Variants in SEPTIN9 observed in about 807,000 individuals in gnomAD.
The protein encoded by SEPTIN9 is septin-9.
A neutral mutation model predicts 56.6 loss-of-function variants in SEPTIN9; 13 were observed. The observed-to-expected ratio is 0.23, with a 90% confidence interval of 0.15 to 0.37. The LOEUF is 0.37. Ranked by LOEUF, SEPTIN9 falls within the 10% of genes least tolerant of loss-of-function variation. SEPTIN9 has a pLI of 1.00. For missense variants in SEPTIN9, 650 were observed against 823.1 expected, an observed-to-expected ratio of 0.79 and a Z score of 2.57; for synonymous variants, 332 against 334.1, an observed-to-expected ratio of 0.99 and a Z score of 0.07.
At position 77,317,964 on chromosome 17, in the gene SEPTIN9, T is replaced by C. The variant is rs930859407; in HGVS notation, c.76+10767T>C. The stretch of plus-strand genomic sequence containing the variant: ...TTCTTGGGAGGCTGAGGCAGAAGAA[T>C]TGCTTGAACCCAGGTGGCGGAGGTT... On this transcript the variant is annotated intron_variant, in intron 2 of 11. Coordinates refer to ENST00000427177, the MANE Select transcript of SEPTIN9 (RefSeq NM_001113491.2). This position sits in a 1 kb window ranked among gnomAD's most constrained non-coding sequence, Gnocchi z 4.2. 2.6e-5 allele frequency among the ~76,000 whole-genome samples: 4 copies of C among 152,090 alleles called. No individual in the cohort carries two copies. Among genetic ancestry groups the C allele is most frequent in the African/African-American group, 7.2e-5 (3 of 41,410 alleles).
Position 77,498,649 on chromosome 17 carries a change from G to A in SEPTIN9, c.1752G>A (p.Pro584=), listed in dbSNP as rs367775215. The part of the protein sequence containing the change: ...NGMEEKEPEA[P]EM ...TGGAGGAGAAGGAGCCAGAAGCCCC[G>A]GAGATGTAGACGCCACCCTGCCCAC... The change falls in exon 12 of 12, where the codon CCG becomes CCA. Residue 584 remains proline (P), a synonymous_variant. Transcript: ENST00000427177. 2.2e-3 allele frequency: 3,561 copies of A among 1,608,780 alleles called. 7 individuals are homozygous for A. The highest frequency in any genetic ancestry group is 2.3e-3 in the Non-Finnish European group (2,764 of 1,178,220).
chr17:77,406,376 C>G (rs1251892273), intron 3 of SEPTIN9, among the ~76,000 whole-genome samples: 1 of 152,182 alleles, frequency 6.6e-6, no homozygotes, highest in Non-Finnish European at 1.5e-5. Context: ...CCCTCAAAAC[C>G]TGGTCCAAAT....
At chr17:77,403,300 C>T (rs1427048542) in intron 3 of SEPTIN9, among the ~76,000 whole-genome samples, 1 of 152,206 alleles carries the variant, frequency 6.6e-6, no homozygotes, top group Non-Finnish European at 1.5e-5. Context: ...ATGAGGAGCA[C>T]CTTAGCCTGC....
chr17:77,302,194 G>T (rs1050845264), intron 1 of SEPTIN9, among the ~76,000 whole-genome samples: 1 of 152,238 alleles, frequency 6.6e-6, no homozygotes, highest in Non-Finnish European at 1.5e-5. Context: ...ATAGCTGGGC[G>T]TGGTGGCTTG....
chr17:77,455,764 C>T lies in SEPTIN9; in HGVS notation c.722-26380C>T, dbSNP rs141305716. Reference sequence around the variant, plus strand: ...CCAGACGTCATAGGTGCTTGCTCAACGAGTGTTTGAATGAATGGTCAGCAT... The same window carrying T: ...CCAGACGTCATAGGTGCTTGCTCAATGAGTGTTTGAATGAATGGTCAGCAT... On this transcript the variant is annotated intron_variant, in intron 3 of 11. Transcript: ENST00000427177. 7.2e-3 allele frequency among the ~76,000 whole-genome samples: 1,099 copies of T among 152,314 alleles called. 9 individuals are homozygous for T. Among genetic ancestry groups the T allele is most frequent in the South Asian group, 0.03 (146 of 4,826 alleles).
At chr17:77,403,377 G>A (rs1287724432) in intron 3 of SEPTIN9, among the ~76,000 whole-genome samples, 3 of 152,242 alleles carry the variant, frequency 2.0e-5, no homozygotes, top group Non-Finnish European at 2.9e-5. Flanking sequence ...AGCTGCACAC[G>A]GTTTTATTTG....
At position 77,388,107 on chromosome 17, in the gene SEPTIN9, G is replaced by A. The variant is rs367769112; in HGVS notation, c.77-13952G>A. Among the ~76,000 whole-genome samples the A allele has an allele frequency of 3.4e-4, 52 of 152,236 alleles. 3 individuals carry two copies. Among genetic ancestry groups the A allele is most frequent in the South Asian group, 2.7e-3 (13 of 4,826 alleles). ...GGCCCCCTCGCTGTGTCTGGCTCTCGCGGTATACCAGGGGTCCTCCCAGGG... is the reference window on the plus strand; with the variant it reads ...GGCCCCCTCGCTGTGTCTGGCTCTCACGGTATACCAGGGGTCCTCCCAGGG... On this transcript the variant is annotated intron_variant, in intron 2 of 11. Transcript: ENST00000427177.
In SEPTIN9 at chr17:77,440,328, T is replaced by A. The variant is rs1028885849; in HGVS notation, c.721+37625T>A. Among the ~76,000 whole-genome samples, 62 of 152,074 alleles carry A rather than the reference T, an allele frequency of 4.1e-4. 1 individual carries two copies. The highest frequency in any genetic ancestry group is 3.9e-3 in the Admixed American group (60 of 15,276). On this transcript the variant is annotated intron_variant, in intron 3 of 11. Transcript: ENST00000427177. The stretch of plus-strand genomic sequence containing the variant: ...CACCACCACGCCCGGCGAATTTTTG[T>A]ATTTTTAGTAGAGATGGGGTTTCAC...
Position 77,282,621 on chromosome 17 carries a change from CAA to C in SEPTIN9, c.19+1069_19+1070del, listed in dbSNP as rs369271568. On this transcript the variant is annotated intron_variant, in intron 1 of 11. Transcript: ENST00000427177. ...AAATGAGTGATAAAGTACCTTGTCT[CAA>C]AGAGGATTACTCAGAACTTCCCCGA... Among the ~76,000 whole-genome samples the C allele has an allele frequency of 3.6e-3, 555 of 152,296 alleles. 2 individuals are homozygous for C. Among genetic ancestry groups the C allele is most frequent in the African/African-American group, 0.013 (530 of 41,570 alleles).
intron 2 of SEPTIN9, among the ~76,000 whole-genome samples, chr17:77,394,983 T>G (rs1598303506): frequency 6.6e-6 from 1 of 152,148 alleles, no homozygotes; most frequent in African/African-American, 2.4e-5. Context: ...GGCTGTGAGA[T>G]GTTTTTCCAG....
chr17:77,329,772 A>G lies in SEPTIN9; in HGVS notation c.76+22575A>G, dbSNP rs1039567940. 6.6e-6 allele frequency among the ~76,000 whole-genome samples: 1 copy of G among 152,116 alleles called. No homozygotes were observed. The highest frequency in any genetic ancestry group is 2.4e-5 in the African/African-American group (1 of 41,410). On this transcript the variant is annotated intron_variant, in intron 2 of 11. Coordinates refer to ENST00000427177, the MANE Select transcript of SEPTIN9 (RefSeq NM_001113491.2). The surrounding 1 kb of genome is among the most constrained non-coding windows in gnomAD (Gnocchi z 4.3). The stretch of plus-strand genomic sequence containing the variant: ...TCTTCCCAGCCTCTGACTCGGGGCA[A>G]GGTTCAGATATCCAGAACATTCTTG...
intron 3 of SEPTIN9, among the ~76,000 whole-genome samples, chr17:77,467,159 C>T (rs2038775212): frequency 6.6e-6 from 1 of 152,170 alleles, no homozygotes. Flanking sequence ...ATCCTTGGGC[C>T]GCGAGACGTC....
intron 5 of SEPTIN9, among the ~76,000 whole-genome samples, 179 bp from the exon 6 acceptor site, chr17:77,488,061 C>A (rs2039870341): frequency 6.6e-6 from 1 of 152,230 alleles, no homozygotes; most frequent in Admixed American, 6.5e-5. Context: ...AGGCAAGGGG[C>A]TCCCAGGGGA....
At chr17:77,364,657 C>T (rs2034519460) in intron 2 of SEPTIN9, among the ~76,000 whole-genome samples, 1 of 152,114 alleles carries the variant, frequency 6.6e-6, no homozygotes, top group South Asian at 2.1e-4. Flanking sequence ...CCCCTGAACA[C>T]CCATGGCCTC....
rs74983872 is a variant in SEPTIN9 at position 77,476,964 on chromosome 17, C to T, written c.722-5180C>T. Among the ~76,000 whole-genome samples, 1,487 of 152,252 alleles carry T rather than the reference C, an allele frequency of 9.8e-3. 20 individuals are homozygous for T. The highest frequency in any genetic ancestry group is 0.032 in the South Asian group (153 of 4,822). On this transcript the variant is annotated intron_variant, in intron 3 of 11. Coordinates refer to ENST00000427177, the MANE Select transcript of SEPTIN9 (RefSeq NM_001113491.2). This position sits in a 1 kb window ranked among gnomAD's most constrained non-coding sequence, Gnocchi z 6.0. ...TACATTCTGGGATACATGTGCAGAACGTGCAGGTTTGTTACATAGGAATAC... is the reference window on the plus strand; with the variant it reads ...TACATTCTGGGATACATGTGCAGAATGTGCAGGTTTGTTACATAGGAATAC...
At chr17:77,414,365 G>A (rs1047022647) in intron 3 of SEPTIN9, among the ~76,000 whole-genome samples, 9 of 152,018 alleles carry the variant, frequency 5.9e-5, no homozygotes, top group South Asian at 2.1e-4. Flanking sequence ...ATGAGTCACC[G>A]CGTGGCCCAA....
chr17:77,417,242 T>C (rs551255845), intron 3 of SEPTIN9, among the ~76,000 whole-genome samples: 6 of 152,348 alleles, frequency 3.9e-5, no homozygotes, highest in Admixed American at 3.3e-4. Context: ...AAGTGCCTAA[T>C]AGATGCTCAG....
rs947551124 is a variant in SEPTIN9 at position 77,310,764 on chromosome 17, G to A, written c.76+3567G>A. ...GGACTTTTGCCCTGTTTCCCACGGT[G>A]CACGGAGCATTTCATCTCAGTGGTG... On this transcript the variant is annotated intron_variant, in intron 2 of 11. Coordinates refer to ENST00000427177, the MANE Select transcript of SEPTIN9 (RefSeq NM_001113491.2). The surrounding 1 kb of genome is among the most constrained non-coding windows in gnomAD (Gnocchi z 4.7). Among the ~76,000 whole-genome samples, 1 of 152,102 alleles carries A rather than the reference G, an allele frequency of 6.6e-6. No homozygotes were observed. The highest frequency in any genetic ancestry group is 6.5e-5 in the Admixed American group (1 of 15,272).
At chr17:77,442,999 G>A (rs1568072426) in intron 3 of SEPTIN9, among the ~76,000 whole-genome samples, 1 of 152,132 alleles carries the variant, frequency 6.6e-6, no homozygotes, top group Non-Finnish European at 1.5e-5. Context: ...TCTTAGGTGT[G>A]GTGTGGAAAC....
Sources: allele counts gnomAD v4.1 joint callset (sites outside exome capture counted in the v4.1 genomes callset), GRCh38; gene constraint gnomAD v4.1.1; non-coding constraint Gnocchi (gnomAD v3.1); transcripts MANE v1.5; gene names NCBI Gene and HGNC (gene_info 2026-07-23, HGNC 2026-07-21).